RARB: variants seen among roughly 807,000 people sequenced by gnomAD.
The protein encoded by RARB is HBV-activated protein.
A neutral mutation model predicts 51.9 loss-of-function variants in RARB; 17 were observed. The ratio of observed to expected loss-of-function variants is 0.33; its 90% CI spans 0.22 to 0.49. The LOEUF (loss-of-function observed/expected upper bound fraction) is 0.49. Among genes scored for constraint, RARB ranks in the 20% least tolerant of loss-of-function variants. RARB has a pLI of 0.99. For missense variants in RARB, 369 were observed against 550.8 expected, an observed-to-expected ratio of 0.67 and a Z score of 3.30; for synonymous variants, 215 against 195.4, an observed-to-expected ratio of 1.10 and a Z score of -0.84.
intron 2 of RARB, among the ~76,000 whole-genome samples, chr3:24,893,814 C>T (rs558211310): frequency 3.9e-5 from 6 of 152,054 alleles, no homozygotes; most frequent in Non-Finnish European, 7.4e-5. Flanking sequence ...CGTGAGCCAC[C>T]GTGCCCAGCT....
chr3:24,991,472 G>GA (rs1208947546), intron 2 of RARB, among the ~76,000 whole-genome samples: 1 of 150,210 alleles, frequency 6.7e-6, no homozygotes, highest in Non-Finnish European at 1.5e-5. Flanking sequence ...AAAAGAAAAA[G>GA]AAAAAAATTA....
At chr3:25,420,646 G>T (rs1032391981) in intron 5 of RARB, among the ~76,000 whole-genome samples, 4 of 152,142 alleles carry the variant, frequency 2.6e-5, no homozygotes, top group Non-Finnish European at 5.9e-5. Flanking sequence ...TATATTGTCT[G>T]CAAAAAGCCA....
intron 2 of RARB, among the ~76,000 whole-genome samples, chr3:25,027,837 G>A (rs1559439359): frequency 6.6e-6 from 1 of 152,050 alleles, no homozygotes; most frequent in Non-Finnish European, 1.5e-5. Context: ...AAGGCTCAGT[G>A]AATGCTTTGT....
At chr3:25,031,021 A>G (rs1312133103) in intron 2 of RARB, among the ~76,000 whole-genome samples, 1 of 152,130 alleles carries the variant, frequency 6.6e-6, no homozygotes, top group Non-Finnish European at 1.5e-5. Context: ...GGGCCACAGT[A>G]GGGTTTCTTA....
chr3:25,096,701 T>C (rs1699298711), intron 3 of RARB, among the ~76,000 whole-genome samples: 1 of 152,064 alleles, frequency 6.6e-6, no homozygotes, highest in Non-Finnish European at 1.5e-5. Flanking sequence ...CTGGGCTGAG[T>C]GGGTGTGTTT....
chr3:25,450,865 A>C (rs1709162338), intron 1 of RARB, among the ~76,000 whole-genome samples: 1 of 152,130 alleles, frequency 6.6e-6, no homozygotes, highest in Non-Finnish European at 1.5e-5. Context: ...GAGGAGGATC[A>C]CCTGAGGTCA....
intron 3 of RARB, among the ~76,000 whole-genome samples, chr3:25,129,092 TTA>T (rs1473647982): frequency 2.0e-5 from 3 of 152,048 alleles, no homozygotes; most frequent in African/African-American, 7.2e-5. Flanking sequence ...AATAAGAATT[TTA>T]TGTTTGGTAG....
intron 5 of RARB, among the ~76,000 whole-genome samples, chr3:25,337,940 C>T (rs139577568): frequency 9.6e-4 from 146 of 152,112 alleles, no homozygotes; most frequent in African/African-American, 3.1e-3. Flanking sequence ...TTTACCTAGA[C>T]AGAATAATCA....
At chr3:25,214,320 A>T (rs1459017293) in intron 5 of RARB, among the ~76,000 whole-genome samples, 1 of 152,188 alleles carries the variant, frequency 6.6e-6, no homozygotes, top group African/African-American at 2.4e-5. Flanking sequence ...GCTGCATTGG[A>T]GGACTTCCTA....
At chr3:25,214,274 A>G (rs1489636404) in intron 5 of RARB, among the ~76,000 whole-genome samples, 1 of 152,160 alleles carries the variant, frequency 6.6e-6, no homozygotes, top group African/African-American at 2.4e-5. Context: ...GCTGGGTAAG[A>G]GAAGTTCTCT....
At chr3:25,413,262 A>T (rs769937095) in intron 5 of RARB, among the ~76,000 whole-genome samples, 16 of 114,418 alleles carry the variant, frequency 1.4e-4, no homozygotes, top group East Asian at 3.4e-4. Flanking sequence ...TTTTCATGCA[A>T]CATTATTTTT....
chr3:24,985,759 T>C (rs1168708321), intron 2 of RARB, among the ~76,000 whole-genome samples: 1 of 152,222 alleles, frequency 6.6e-6, no homozygotes, highest in Non-Finnish European at 1.5e-5. Flanking sequence ...TCTTTTGTAC[T>C]TTGCACAGTA....
At chr3:25,340,104 C>CG in intron 5 of RARB, among the ~76,000 whole-genome samples, 1 of 152,088 alleles carries the variant, frequency 6.6e-6, no homozygotes, top group Non-Finnish European at 1.5e-5. Flanking sequence ...ATGAACATCA[C>CG]TGATAGTAAA....
chr3:25,493,986 A>G (rs1309154788), intron 2 of RARB, among the ~76,000 whole-genome samples: 1 of 152,190 alleles, frequency 6.6e-6, no homozygotes, highest in Non-Finnish European at 1.5e-5. Flanking sequence ...GAAAGCAAGG[A>G]TTCTTGGGCT....
chr3:25,270,888 T>G (rs1481516558), intron 5 of RARB, among the ~76,000 whole-genome samples: 1 of 152,206 alleles, frequency 6.6e-6, no homozygotes, highest in East Asian at 1.9e-4. Context: ...GCAAATACTT[T>G]CGCCCCAATC....
At chr3:24,916,755 G>A (rs1358164853) in intron 2 of RARB, among the ~76,000 whole-genome samples, 1 of 111,470 alleles carries the variant, frequency 9.0e-6, no homozygotes, top group East Asian at 2.9e-4. Flanking sequence ...TCATTTCTAT[G>A]TGTTTGCTGT....
chr3:25,234,331 A>G (rs572374877), intron 5 of RARB, among the ~76,000 whole-genome samples: 30 of 152,292 alleles, frequency 2.0e-4, no homozygotes, highest in Non-Finnish European at 3.4e-4. Flanking sequence ...CTAAGTTATT[A>G]GACTTTGTGT....
intron 5 of RARB, among the ~76,000 whole-genome samples, chr3:25,194,241 G>C: frequency 5.9e-5 from 1 of 16,834 alleles, no homozygotes; most frequent in Admixed American, 5.8e-4. Flanking sequence ...GGTTACCAGG[G>C]TAGGAAGGAG....
chr3:25,378,574 T>C (rs1423149629), intron 5 of RARB, among the ~76,000 whole-genome samples: 1 of 152,226 alleles, frequency 6.6e-6, no homozygotes. Flanking sequence ...CCTACATTCC[T>C]CTGTATGTTC....
Sources: allele counts gnomAD v4.1 joint callset (sites outside exome capture counted in the v4.1 genomes callset), GRCh38; gene constraint gnomAD v4.1.1; transcripts MANE v1.5; gene names NCBI Gene and HGNC (gene_info 2026-07-23, HGNC 2026-07-21).